The following PCDH15 variants were observed in gnomAD, a reference collection of about 807,000 sequenced individuals.
The protein encoded by PCDH15 is protocadherin-15.
A neutral mutation model predicts 178.5 loss-of-function variants in PCDH15; 129 were observed. That is an observed-to-expected ratio of 0.72 (90% CI 0.63 to 0.84). The LOEUF (loss-of-function observed/expected upper bound fraction) is 0.84. PCDH15 is among the 40% of genes least tolerant of loss of function. The pLI is 0.00. For synonymous variants in PCDH15, 800 were observed against 732.0 expected, an observed-to-expected ratio of 1.09 and a Z score of -1.50; for missense variants, 2,230 against 2,099.9, an observed-to-expected ratio of 1.06 and a Z score of -1.21.
intron 34 of PCDH15, among the ~76,000 whole-genome samples, chr10:53,816,763 A>G (rs773667407): frequency 6.6e-6 from 1 of 152,194 alleles, no homozygotes; most frequent in Non-Finnish European, 1.5e-5. Flanking sequence ...CAACATATTG[A>G]AGACATGCTC....
chr10:55,501,890 T>C (rs1840664119), intron 2 of PCDH15, among the ~76,000 whole-genome samples: 1 of 151,768 alleles, frequency 6.6e-6, no homozygotes, highest in Non-Finnish European at 1.5e-5. Flanking sequence ...CTTGACATAT[T>C]AAAGGAACAT....
chr10:54,293,265 T>C (rs1223235281), intron 8 of PCDH15, among the ~76,000 whole-genome samples: 6 of 152,186 alleles, frequency 3.9e-5, no homozygotes, highest in Non-Finnish European at 8.8e-5. Flanking sequence ...GCTAGCCACA[T>C]GTAGAAGGCT....
intron 20 of PCDH15, among the ~76,000 whole-genome samples, chr10:54,006,231 T>C (rs939445852): frequency 4.6e-5 from 7 of 152,160 alleles, no homozygotes; most frequent in African/African-American, 1.4e-4. Context: ...GAATTAAAGA[T>C]ATTTTCTCCT....
chr10:55,335,528 T>A (rs1451277878), intron 2 of PCDH15, among the ~76,000 whole-genome samples: 1 of 152,142 alleles, frequency 6.6e-6, no homozygotes, highest in Non-Finnish European at 1.5e-5. Flanking sequence ...CTATCAGAGG[T>A]CAGCATGACG....
chr10:55,015,057 C>A (rs909679201), intron 2 of PCDH15, among the ~76,000 whole-genome samples: 2 of 151,942 alleles, frequency 1.3e-5, no homozygotes, highest in African/African-American at 4.8e-5. Context: ...CCCATCTCTA[C>A]TAAGAATATA....
chr10:54,366,052 T>A (rs1232119419), intron 5 of PCDH15, among the ~76,000 whole-genome samples: 1 of 152,148 alleles, frequency 6.6e-6, no homozygotes, highest in South Asian at 2.1e-4. Flanking sequence ...CTAGAATGTT[T>A]ATTGATAAGT....
At chr10:53,948,083 C>T (rs2086721380) in intron 23 of PCDH15, among the ~76,000 whole-genome samples, 1 of 152,106 alleles carries the variant, frequency 6.6e-6, no homozygotes, top group African/African-American at 2.4e-5. Context: ...CGGTTTTTTA[C>T]TTTACTATGG....
At position 54,864,390 on chromosome 10, in the gene PCDH15, T is replaced by C. The variant is rs543665304; in HGVS notation, c.-29+33060A>G. Among the ~76,000 whole-genome samples, 30 of 152,270 alleles carry C rather than the reference T, an allele frequency of 2.0e-4. No individual in the cohort carries two copies. The South Asian group carries it at 6.2e-3, about 32-fold the overall frequency. On this transcript the variant is annotated intron_variant, in intron 3 of 5. Coordinates refer to the PCDH15 transcript ENST00000458638. ...CATAAAAAAGTCATATATAAGATTGTTGAATACCATAATATGGTATGCTTT... is the reference window on the plus strand; with the variant it reads ...CATAAAAAAGTCATATATAAGATTGCTGAATACCATAATATGGTATGCTTT...
intron 20 of PCDH15, among the ~76,000 whole-genome samples, chr10:54,002,490 A>G (rs10825189): frequency 0.23 from 34,794 of 152,068 alleles, 4,266 homozygotes; most frequent in East Asian, 0.45. Flanking sequence ...AATATCAAGT[A>G]TCTTCTCTGA....
intron 2 of PCDH15, among the ~76,000 whole-genome samples, chr10:54,977,751 A>G (rs1465804738): frequency 6.6e-6 from 1 of 152,152 alleles, no homozygotes; most frequent in African/African-American, 2.4e-5. Context: ...GCAAGATCCA[A>G]TAACCCTCTC....
intron 4 of PCDH15, among the ~76,000 whole-genome samples, chr10:54,371,401 T>C (rs1452404165): frequency 2.6e-5 from 4 of 151,774 alleles, no homozygotes; most frequent in African/African-American, 7.2e-5. Context: ...ACAGGTACCA[T>C]TTTACAGGTG....
intron 32 of PCDH15, chr10:53,822,495 G>A: frequency 1.2e-6 from 2 of 1,611,786 alleles, no homozygotes; most frequent in Non-Finnish European, 8.5e-7. Flanking sequence ...AAGGGGACAG[G>A]CAGAAGGAGA....
intron 2 of PCDH15, among the ~76,000 whole-genome samples, chr10:54,930,474 G>C (rs1706752): frequency 7.9e-5 from 12 of 151,822 alleles, no homozygotes; most frequent in Non-Finnish European, 1.8e-4. Flanking sequence ...ACTTCCTTGG[G>C]GCAAGACAAT....
chr10:54,173,932 A>G (rs1015082167), intron 13 of PCDH15, among the ~76,000 whole-genome samples: 2 of 152,174 alleles, frequency 1.3e-5, no homozygotes, highest in African/African-American at 4.8e-5. Flanking sequence ...ATTAAGACCT[A>G]AAAGACGGAA....
intron 2 of PCDH15, among the ~76,000 whole-genome samples, chr10:54,965,877 C>T (rs973132058): frequency 1.3e-5 from 2 of 150,928 alleles, no homozygotes; most frequent in Non-Finnish European, 3.0e-5. Flanking sequence ...TAGATACCCA[C>T]ACACTCATAT....
intron 3 of PCDH15, among the ~76,000 whole-genome samples, chr10:54,512,447 T>C (rs1006103514): frequency 4.7e-5 from 7 of 150,458 alleles, no homozygotes; most frequent in Non-Finnish European, 7.4e-5. Context: ...TAACTGTACA[T>C]ACAATAATAT....
At chr10:54,602,595 T>C (rs1328005498) in intron 2 of PCDH15, among the ~76,000 whole-genome samples, 1 of 152,002 alleles carries the variant, frequency 6.6e-6, no homozygotes, top group Middle Eastern at 3.2e-3. Flanking sequence ...ATGTTATCAG[T>C]GGGCTTTTCT....
At chr10:53,822,764 T>G in intron 32 of PCDH15, 1 of 1,614,036 alleles carries the variant, frequency 6.2e-7, no homozygotes, top group South Asian at 1.1e-5. Flanking sequence ...AAGAGAGAGA[T>G]TTCAACTGTT....
chr10:55,173,375 AAGAC>A (rs1375263824), intron 1 of PCDH15, among the ~76,000 whole-genome samples: 1 of 146,206 alleles, frequency 6.8e-6, no homozygotes, highest in Non-Finnish European at 1.5e-5. Context: ...GGGGGTTAGG[AAGAC>A]TGTGCTTATA....
Sources: gnomAD v4.1 joint callset for allele counts (sites outside exome capture counted in the v4.1 genomes callset) on GRCh38, gnomAD v4.1.1 for gene constraint, MANE v1.5 for transcripts, NCBI Gene and HGNC (gene_info 2026-07-23, HGNC 2026-07-21) for gene names.